The following DHX57 variants were observed in gnomAD, a reference collection of about 807,000 sequenced individuals.
The protein encoded by DHX57 is DExH-box helicase 57.
Under a neutral mutation model 156.2 loss-of-function variants are expected in DHX57, and 105 were observed. The ratio of observed to expected loss-of-function variants is 0.67; its 90% CI spans 0.57 to 0.79. DHX57 has a LOEUF of 0.79. Ranked by LOEUF, DHX57 falls within the 30% of genes least tolerant of loss-of-function variation. The pLI is 0.00. For missense variants in DHX57, 1,847 were observed against 1,661.9 expected (o/e 1.11, Z -1.94); for synonymous variants, 704 against 595.6 (o/e 1.18, Z -2.65).
Position 38,837,911 on chromosome 2 carries a change from A to G in DHX57, c.2462T>C (p.Met821Thr), listed in dbSNP as rs1235815768. The change falls in exon 13 of 24, where the codon ATG becomes ACG. Residue 821 changes from methionine (M) to threonine (T), a missense_variant. Transcript: ENST00000457308. ...TTCAAGATTCACCTTTTCAAAATCCATGATGGACATTGTTTTGATGACTGA... is the reference window on the plus strand; with the variant it reads ...TTCAAGATTCACCTTTTCAAAATCCGTGATGGACATTGTTTTGATGACTGA... ...SKSVIKTMSIMDFEKVNLELI... is the reference protein window; with the variant it reads ...SKSVIKTMSITDFEKVNLELI... 6.2e-7 allele frequency: 1 copy of G among 1,613,688 alleles called. No individual in the cohort carries two copies. The highest frequency in any genetic ancestry group is 1.3e-5 in the African/African-American group (1 of 74,916).
At chr2:38,807,161 T>A (rs1349301875) in intron 21 of DHX57, among the ~76,000 whole-genome samples, 1 of 151,790 alleles carries the variant, frequency 6.6e-6, no homozygotes, top group Non-Finnish European at 1.5e-5. Flanking sequence ...TTCATGCAAT[T>A]CTCCTGCATT....
chr2:38,810,405 G>A (rs886503337), intron 21 of DHX57: 1 of 505,740 alleles, frequency 2.0e-6, no homozygotes, highest in Non-Finnish European at 3.9e-6. Context: ...GCAAAGTGAG[G>A]TGGCCCTAGC....
At chr2:38,810,266 T>C (rs1461224498) in intron 21 of DHX57, among the ~76,000 whole-genome samples, 1 of 151,526 alleles carries the variant, frequency 6.6e-6, no homozygotes, top group Non-Finnish European at 1.5e-5. Context: ...CACCCTTCCC[T>C]TTGATGACCA....
At chr2:38,830,699 G>C (rs1480754712) in intron 13 of DHX57, among the ~76,000 whole-genome samples, 28 of 151,834 alleles carry the variant, frequency 1.8e-4, no homozygotes. Flanking sequence ...TCAGGTCACA[G>C]AGTTAGTAAG....
chr2:38,856,400 C>T lies in DHX57; in HGVS notation c.1649G>A (p.Arg550Lys). 1 of 1,613,898 alleles carries T rather than the reference C, an allele frequency of 6.2e-7. No individual in the cohort carries two copies. Among genetic ancestry groups the T allele is most frequent in the Non-Finnish European group, 8.5e-7 (1 of 1,179,988 alleles). ...ACGCAATAAGTTAAGAATGGTTTCTCTTTCTTCCCAAGCAGGGAGTGATTG... is the reference window on the plus strand; with the variant it reads ...ACGCAATAAGTTAAGAATGGTTTCTTTTTCTTCCCAAGCAGGGAGTGATTG... ...ERQSLPAWEE[R>K]ETILNLLRKH... The change falls in exon 7 of 24, where the codon AGA (arginine) becomes AAA (lysine). Residue 550 changes from arginine (R) to lysine (K), a missense_variant. By Grantham distance (26) the Arg-to-Lys change is conservative. Coordinates refer to ENST00000457308, the MANE Select transcript of DHX57 (RefSeq NM_198963.3).
intron 17 of DHX57, among the ~76,000 whole-genome samples, chr2:38,819,702 A>C (rs1222250160): frequency 6.6e-6 from 1 of 152,234 alleles, no homozygotes; most frequent in Non-Finnish European, 1.5e-5. Flanking sequence ...AGAGTCATCA[A>C]AGAGCCACTC....
In DHX57 at chr2:38,856,307, T is replaced by G. The variant is rs376488415; in HGVS notation, c.1709+33A>C. On this transcript the variant is annotated intron_variant, in intron 7 of 23. Transcript: ENST00000457308. ...CCAGGGTGCATATAATATTTATAGA[T>G]GAAAGCTACAGATGAATAAACTGCA... is the stretch of plus-strand genomic sequence containing the variant. The G allele has an allele frequency of 1.8e-5, 29 of 1,592,072 alleles. No homozygotes were observed. In the South Asian group the frequency reaches 2.7e-4, roughly 15 times the overall value.
chr2:38,838,761 T>C (rs1014037573), intron 12 of DHX57: 16 of 456,036 alleles, frequency 3.5e-5, no homozygotes, highest in Non-Finnish European at 7.1e-5. Flanking sequence ...AAATGATAAG[T>C]GGTTGATCTT....
chr2:38,871,525 G>A (rs1272788774), intron 1 of DHX57, among the ~76,000 whole-genome samples: 2 of 152,128 alleles, frequency 1.3e-5, no homozygotes, highest in African/African-American at 2.4e-5. Context: ...ATAACAGAAT[G>A]CCACAGACTA....
At chr2:38,824,729 C>A (rs1219670348) in intron 16 of DHX57, among the ~76,000 whole-genome samples, 1 of 152,156 alleles carries the variant, frequency 6.6e-6, no homozygotes, top group African/African-American at 2.4e-5. Flanking sequence ...CTCACTGCAA[C>A]CTCCACCTCC....
chr2:38,822,981 T>C lies in DHX57; in HGVS notation c.3291+12A>G, dbSNP rs1670900895. 5 of 1,612,970 alleles carry C rather than the reference T, an allele frequency of 3.1e-6. No individual in the cohort carries two copies. The highest frequency in any genetic ancestry group is 3.4e-6 in the Non-Finnish European group (4 of 1,179,340). ...TTAGAGACTCCAGTTTAGATGAATG[T>C]TGTTTACTTACAAACGGAGACTTAA... On this transcript the variant is annotated intron_variant, in intron 17 of 23. Coordinates refer to ENST00000457308, the MANE Select transcript of DHX57 (RefSeq NM_198963.3).
At chr2:38,849,348 G>T (rs796956428) in intron 9 of DHX57, among the ~76,000 whole-genome samples, 15 of 152,208 alleles carry the variant, frequency 9.9e-5, no homozygotes, top group African/African-American at 3.6e-4. Context: ...ACCCTAATTG[G>T]TCTCTTGGCC....
intron 12 of DHX57, among the ~76,000 whole-genome samples, chr2:38,841,625 G>C (rs1442839593): frequency 2.0e-5 from 3 of 152,178 alleles, no homozygotes; most frequent in Non-Finnish European, 4.4e-5. Flanking sequence ...GTAACGGGTT[G>C]GAAGCTCTTA....
intron 22 of DHX57, among the ~76,000 whole-genome samples, chr2:38,804,715 C>T (rs912369271): frequency 4.6e-5 from 7 of 151,942 alleles, no homozygotes; most frequent in African/African-American, 1.7e-4. Flanking sequence ...TCCTGGAACA[C>T]ACCAAATACA....
chr2:38,800,673 G>A (rs940170879), intron 23 of DHX57, among the ~76,000 whole-genome samples: 2 of 152,156 alleles, frequency 1.3e-5, no homozygotes, highest in African/African-American at 4.8e-5. Context: ...GAAAGTTTCT[G>A]GCTCTTCTTC....
At chr2:38,800,689 C>T (rs1057487623) in intron 23 of DHX57, among the ~76,000 whole-genome samples, 8 of 152,144 alleles carry the variant, frequency 5.3e-5, no homozygotes, top group Non-Finnish European at 7.4e-5. Flanking sequence ...TCTTCTGGAC[C>T]ATATGCTGCA....
Position 38,863,462 on chromosome 2 carries a change from G to T in DHX57, c.282C>A (p.Ala94=). 6.2e-7 allele frequency: 1 copy of T among 1,613,980 alleles called. No homozygotes were observed. Among genetic ancestry groups the T allele is most frequent in the East Asian group, 2.2e-5 (1 of 44,850 alleles). ...GESRPKWKPK[A]KVPLQTLHMT... is the part of the protein sequence containing the mutation. ...TATGTAGAGTCTGAAGGGGTACTTT[G>T]GCTTTGGGTTTCCATTTTGGGCGTG... The change falls in exon 3 of 24, where the codon GCC becomes GCA. Residue 94 remains alanine, a synonymous_variant. Coordinates refer to ENST00000457308, the MANE Select transcript of DHX57 (RefSeq NM_198963.3).
At chr2:38,825,697 A>C (rs1332559556) in intron 16 of DHX57, 150 bp downstream of exon 16, 9 of 793,634 alleles carry the variant, frequency 1.1e-5, no homozygotes, top group East Asian at 5.3e-5. Context: ...TAAAGGCAAC[A>C]CTAAGGATAT....
intron 17 of DHX57, among the ~76,000 whole-genome samples, chr2:38,819,484 CA>C (rs1254758179): frequency 6.6e-6 from 1 of 152,218 alleles, no homozygotes; most frequent in Non-Finnish European, 1.5e-5. Flanking sequence ...TCCTACAGGA[CA>C]CTTTTTATCT....
Sources: gnomAD v4.1 joint callset for allele counts (sites outside exome capture counted in the v4.1 genomes callset) on GRCh38, gnomAD v4.1.1 for gene constraint, MANE v1.5 for transcripts, NCBI Gene and HGNC (gene_info 2026-07-23, HGNC 2026-07-21) for gene names.